DTNA: variants seen among roughly 807,000 people sequenced by gnomAD.
The protein encoded by DTNA is dystrophin-related protein 3.
In DTNA, 43 loss-of-function variants were observed where a neutral mutation model predicts 100.7. The ratio of observed to expected loss-of-function variants is 0.43; its 90% CI spans 0.33 to 0.55. The LOEUF (loss-of-function observed/expected upper bound fraction) is 0.55, where lower values mean the gene tolerates loss of function less well. Ranked by LOEUF, DTNA falls within the 20% of genes least tolerant of loss-of-function variation. The probability of loss-of-function intolerance (pLI) is 0.04; values close to 1 mark genes in which losing one functional copy is unlikely to be tolerated. For missense variants in DTNA, 798 were observed against 953.9 expected, an observed-to-expected ratio of 0.84 and a Z score of 2.15; for synonymous variants, 349 against 347.9, an observed-to-expected ratio of 1.00 and a Z score of -0.04.
At chr18:34,776,902 CATGTGCCCGCATA>C (rs2094085576) in intron 3 of DTNA, among the ~76,000 whole-genome samples, 1 of 152,198 alleles carries the variant, frequency 6.6e-6, no homozygotes, top group African/African-American at 2.4e-5. Flanking sequence ...ACATACCAGG[CATGTGCCCGCATA>C]GGGCCTTAGC....
chr18:34,770,345 T>A (rs1445484149), intron 3 of DTNA, among the ~76,000 whole-genome samples: 2 of 152,196 alleles, frequency 1.3e-5, no homozygotes, highest in South Asian at 2.1e-4. Context: ...TGTAAAACTA[T>A]CACCTAGAAA....
intron 17 of DTNA, chr18:34,866,664 C>T (rs970031805): frequency 4.6e-5 from 46 of 1,004,202 alleles, no homozygotes; most frequent in Non-Finnish European, 5.5e-5. Context: ...ATTATTGAGC[C>T]TTGTTCCCCA....
chr18:34,672,294 ATACT>A lies in DTNA; in HGVS notation c.-1-83679_-1-83676del, dbSNP rs567035426. Among the ~76,000 whole-genome samples, 466 of 152,286 alleles carry A rather than the reference ATACT, an allele frequency of 3.1e-3. 2 individuals carry two copies. Among genetic ancestry groups the A allele is most frequent in the African/African-American group, 0.011 (440 of 41,554 alleles). On this transcript the variant is annotated intron_variant, in intron 1 of 19. Coordinates refer to the DTNA transcript ENST00000283365. ...AGATTTTCATCTAAGAAAACCTGAGATACTTAGGTTTAGTGATTATTTGTGTAGG... is the reference window on the plus strand; with the variant it reads ...AGATTTTCATCTAAGAAAACCTGAGATAGGTTTAGTGATTATTTGTGTAGG...
intron 1 of DTNA, among the ~76,000 whole-genome samples, chr18:34,511,040 G>T (rs1388144928): frequency 6.6e-6 from 1 of 151,954 alleles, no homozygotes; most frequent in African/African-American, 2.4e-5. Context: ...TATAAATTCA[G>T]AACCCAGATC....
chr18:34,833,023 A>G (rs1204305130), intron 11 of DTNA, among the ~76,000 whole-genome samples: 1 of 152,174 alleles, frequency 6.6e-6, no homozygotes, highest in Non-Finnish European at 1.5e-5. Context: ...TCTGTTCTTA[A>G]TTTGCTATAT....
At chr18:34,775,295 G>T (rs1254378460) in intron 3 of DTNA, among the ~76,000 whole-genome samples, 1 of 152,074 alleles carries the variant, frequency 6.6e-6, no homozygotes, top group Non-Finnish European at 1.5e-5. Flanking sequence ...GACGATCCTG[G>T]TGAACACTGG....
At chr18:34,498,836 T>C (rs1476282870) in intron 1 of DTNA, among the ~76,000 whole-genome samples, 4 of 152,210 alleles carry the variant, frequency 2.6e-5, no homozygotes, top group Non-Finnish European at 4.4e-5. Flanking sequence ...AACATATAAA[T>C]CATACTATAC....
At chr18:34,881,161 T>C (rs997828228) in intron 20 of DTNA, among the ~76,000 whole-genome samples, 6 of 152,194 alleles carry the variant, frequency 3.9e-5, no homozygotes, top group African/African-American at 1.2e-4. Context: ...CAGCTATAAA[T>C]AAACGCAAAC....
intron 1 of DTNA, among the ~76,000 whole-genome samples, chr18:34,576,737 G>T (rs1005049453): frequency 4.6e-5 from 7 of 152,170 alleles, no homozygotes; most frequent in Non-Finnish European, 1.0e-4. Flanking sequence ...GGAATTGCAG[G>T]CATGAGCAAC....
At chr18:34,656,798 A>T (rs1428854353) in intron 1 of DTNA, among the ~76,000 whole-genome samples, 1 of 152,242 alleles carries the variant, frequency 6.6e-6, no homozygotes, top group Non-Finnish European at 1.5e-5. Context: ...TAATGCCGTT[A>T]TCTAAAAATT....
chr18:34,517,146 A>C (rs1352278471), intron 1 of DTNA, among the ~76,000 whole-genome samples: 1 of 152,146 alleles, frequency 6.6e-6, no homozygotes, highest in Non-Finnish European at 1.5e-5. Flanking sequence ...CACAACACTC[A>C]GCCATCCACA....
chr18:34,596,216 TTTTTG>T (rs113199571), intron 1 of DTNA, among the ~76,000 whole-genome samples: 3 of 152,192 alleles, frequency 2.0e-5, no homozygotes, highest in African/African-American at 7.2e-5. Context: ...GTTGGTTGGT[TTTTTG>T]TTTTGTTTTG....
At position 34,589,031 on chromosome 18, in the gene DTNA, A is replaced by G. The variant is rs1055698379; in HGVS notation, c.-2+95517A>G. 7.3e-5 allele frequency among the ~76,000 whole-genome samples: 11 copies of G among 151,036 alleles called. No individual in the cohort carries two copies. The Admixed American group carries it at 7.3e-4, about 10-fold the overall frequency. On this transcript the variant is annotated intron_variant, in intron 1 of 19. Transcript: ENST00000283365. ...TATACTAATTATATGTATAATACTA[A>G]GTATATTTTGTAATTAGTATATTTG...
At chr18:34,792,105 T>C (rs77031501) in intron 3 of DTNA, among the ~76,000 whole-genome samples, 3 of 152,128 alleles carry the variant, frequency 2.0e-5, no homozygotes, top group African/African-American at 7.2e-5. Context: ...TTTTTTTTTT[T>C]TAGTTTAAGG....
intron 1 of DTNA, among the ~76,000 whole-genome samples, chr18:34,714,270 G>A (rs1417732737): frequency 6.7e-6 from 1 of 148,716 alleles, no homozygotes; most frequent in Non-Finnish European, 1.5e-5. Flanking sequence ...CACAGCAAAA[G>A]AAACTACCAT....
chr18:34,879,494 G>T, intron 19 of DTNA, 57 bp from the exon 20 acceptor site: 3 of 1,576,438 alleles, frequency 1.9e-6, no homozygotes, highest in Non-Finnish European at 2.6e-6. Flanking sequence ...TCCTTTATTT[G>T]CAGGTCATAA....
At chr18:34,740,069 T>C (rs2090343445) in intron 1 of DTNA, among the ~76,000 whole-genome samples, 1 of 152,144 alleles carries the variant, frequency 6.6e-6, no homozygotes, top group Non-Finnish European at 1.5e-5. Flanking sequence ...CTGTGGGAGT[T>C]CCAAGTATAT....
intron 1 of DTNA, among the ~76,000 whole-genome samples, chr18:34,718,989 C>T (rs2084667596): frequency 6.6e-6 from 1 of 150,990 alleles, no homozygotes; most frequent in African/African-American, 2.4e-5. Flanking sequence ...GCAATTAACC[C>T]TTTTTTTTTG....
At chr18:34,772,027 A>G (rs2093800488) in intron 3 of DTNA, among the ~76,000 whole-genome samples, 1 of 152,142 alleles carries the variant, frequency 6.6e-6, no homozygotes, top group South Asian at 2.1e-4. Context: ...ACAAAGGACA[A>G]CAAGAGAAAT....
Sources: allele counts gnomAD v4.1 joint callset (sites outside exome capture counted in the v4.1 genomes callset), GRCh38; gene constraint gnomAD v4.1.1; transcripts MANE v1.5; gene names NCBI Gene and HGNC (gene_info 2026-07-23, HGNC 2026-07-21).